Variants in TAPT1 observed in about 807,000 individuals in gnomAD.
TAPT1 encodes transmembrane anterior posterior transformation 1.
Under a neutral mutation model 65.6 loss-of-function variants are expected in TAPT1, and 28 were observed. The observed-to-expected ratio is 0.43, with a 90% CI of 0.32 to 0.59. TAPT1 has a LOEUF of 0.59. Ranked by LOEUF, TAPT1 falls within the 20% of genes least tolerant of loss-of-function variation. TAPT1 has a pLI of 0.09. For missense variants in TAPT1, 563 were observed against 679.9 expected (o/e 0.83, Z 1.91); for synonymous variants, 278 against 245.2 (o/e 1.13, Z -1.25).
chr4:16,163,148 C>A lies in TAPT1; in HGVS notation c.*160G>T. ...CCTGTCCTGTGGTCTGACCCTCAGC[C>A]AGGCCATATTACTGGAAGAAAGATA... is the stretch of plus-strand genomic sequence containing the variant. On this transcript the variant is annotated 3_prime_UTR_variant, in exon 14 of 14. Coordinates refer to ENST00000405303, the MANE Select transcript of TAPT1 (RefSeq NM_153365.3). 1 of 671,178 alleles carries A rather than the reference C, an allele frequency of 1.5e-6. No individual in the cohort carries two copies. Among genetic ancestry groups the A allele is most frequent in the Non-Finnish European group, 2.7e-6 (1 of 376,364 alleles). 41.6% of individuals were successfully genotyped at this position (671,178 alleles called of 1,614,324 possible). A position where few individuals can be genotyped will look rare whatever the true frequency, so the allele number is the denominator to read the frequency against.
intron 1 of TAPT1, among the ~76,000 whole-genome samples, chr4:16,215,713 T>C (rs941712496): frequency 1.3e-5 from 2 of 152,214 alleles, no homozygotes; most frequent in African/African-American, 4.8e-5. Context: ...GCACGCAATA[T>C]GTAAACTCTA....
At chr4:16,221,638 T>C (rs1459567135) in intron 1 of TAPT1, among the ~76,000 whole-genome samples, 3 of 152,250 alleles carry the variant, frequency 2.0e-5, no homozygotes, top group Non-Finnish European at 4.4e-5. Context: ...ATCATAAATA[T>C]ATTTATATGT....
intron 2 of TAPT1, among the ~76,000 whole-genome samples, chr4:16,206,707 C>T (rs963443882): frequency 2.6e-5 from 4 of 152,022 alleles, no homozygotes; most frequent in Non-Finnish European, 4.4e-5. Flanking sequence ...AGCAGCCTGA[C>T]ATAGGACAAT....
chr4:16,169,027 T>G (rs1209613829), intron 12 of TAPT1, among the ~76,000 whole-genome samples: 1 of 152,198 alleles, frequency 6.6e-6, no homozygotes, highest in African/African-American at 2.4e-5. Context: ...ATTCCTGGGT[T>G]TGGTGTAGTT....
chr4:16,174,625 C>T, intron 10 of TAPT1, 45 bp downstream of exon 10: 2 of 1,489,672 alleles, frequency 1.3e-6, no homozygotes, highest in Non-Finnish European at 1.8e-6. Context: ...TAATTTCAGA[C>T]TATGCCTTTG....
At chr4:16,181,752 G>T (rs1029962048) in intron 7 of TAPT1, among the ~76,000 whole-genome samples, 3 of 152,180 alleles carry the variant, frequency 2.0e-5, no homozygotes, top group African/African-American at 7.2e-5. Context: ...ATTTTTAGCA[G>T]AGACAGGGTT....
rs189610093 is a variant in TAPT1 at position 16,201,821 on chromosome 4, T to G, written c.449+641A>C. On this transcript the variant is annotated intron_variant, in intron 3 of 13. Coordinates refer to ENST00000405303, the MANE Select transcript of TAPT1 (RefSeq NM_153365.3). ...TGCTGAGCTCTCAATACCCCCTTTT[T>G]GCTGATGGGGAAGCACACTTAGAGA... Among the ~76,000 whole-genome samples the G allele has an allele frequency of 1.7e-3, 262 of 152,310 alleles. 2 individuals are homozygous for G. Among genetic ancestry groups the G allele is most frequent in the African/African-American group, 6.1e-3 (252 of 41,568 alleles).
Position 16,213,831 on chromosome 4 carries a change from G to A in TAPT1, c.267C>T (p.Ala89=), listed in dbSNP as rs1040401217. 6 of 1,607,884 alleles carry A rather than the reference G, an allele frequency of 3.7e-6. No individual in the cohort carries two copies. The African/African-American group carries it at 6.8e-5, about 18-fold the overall frequency. ...TRGYFLEHNE[A]KYTERRERVY... ...CTCTTTCTCTTCTTTCTGTATACTT[G>A]GCCTCATTATGTTCAAGGAAGTACC... Residue 89 remains alanine, a synonymous_variant, in exon 2 of 14, where the codon GCC becomes GCT. Transcript: ENST00000405303.
intron 7 of TAPT1, among the ~76,000 whole-genome samples, chr4:16,181,315 T>C (rs868339176): frequency 3.9e-5 from 6 of 152,222 alleles, no homozygotes; most frequent in Admixed American, 1.3e-4. Flanking sequence ...TTCCCAAACA[T>C]GTATAATATA....
At chr4:16,216,014 G>C (rs1026228274) in intron 1 of TAPT1, 1 of 152,106 alleles carries the variant, frequency 6.6e-6, no homozygotes, top group Non-Finnish European at 1.5e-5. Flanking sequence ...TGTAAAAATC[G>C]AGAAGCAACA....
intron 3 of TAPT1, among the ~76,000 whole-genome samples, chr4:16,195,732 T>C (rs920548797): frequency 5.3e-5 from 8 of 152,224 alleles, no homozygotes; most frequent in Non-Finnish European, 8.8e-5. Flanking sequence ...AAAGGGCTCA[T>C]AGACTTACAG....
intron 1 of TAPT1, among the ~76,000 whole-genome samples, chr4:16,222,334 G>A (rs950946616): frequency 6.6e-6 from 1 of 152,208 alleles, no homozygotes; most frequent in Non-Finnish European, 1.5e-5. Context: ...AGTAAAGCAA[G>A]TGAGAATTTT....
intron 7 of TAPT1, 117 bp from the exon 8 acceptor site, chr4:16,179,774 AT>A (rs1211250840): frequency 2.0e-6 from 1 of 500,474 alleles, no homozygotes. Context: ...ATAAATGTCT[AT>A]AAATATACAA....
At chr4:16,204,693 A>G (rs1373052813) in intron 2 of TAPT1, among the ~76,000 whole-genome samples, 1 of 152,218 alleles carries the variant, frequency 6.6e-6, no homozygotes, top group African/African-American at 2.4e-5. Context: ...CTGCCTGTGC[A>G]TGGCCGCAGT....
chr4:16,166,549 T>C, intron 13 of TAPT1, 84 bp downstream of exon 13: 1 of 1,532,354 alleles, frequency 6.5e-7, no homozygotes, highest in Non-Finnish European at 8.9e-7. Flanking sequence ...AAACCAATCT[T>C]TAAAGCGTTG....
rs1022805056 is a variant in TAPT1 at position 16,161,498 on chromosome 4, T to C, written c.*1810A>G. On this transcript the variant is annotated 3_prime_UTR_variant, in exon 14 of 14. Transcript: ENST00000405303. Reference sequence around the variant, plus strand: ...TGAAGATCTATCCAAACCATGTTCCTGCTCTGAAATCAGGGTTGTGTTTGG... The same window carrying C: ...TGAAGATCTATCCAAACCATGTTCCCGCTCTGAAATCAGGGTTGTGTTTGG... 1 of 152,624 alleles carries C rather than the reference T, an allele frequency of 6.6e-6. No individual in the cohort carries two copies. The highest frequency in any genetic ancestry group is 2.4e-5 in the African/African-American group (1 of 41,450). 9.5% of individuals were successfully genotyped at this position (152,624 alleles called of 1,614,324 possible).
intron 3 of TAPT1, among the ~76,000 whole-genome samples, chr4:16,195,321 A>AAAT (rs1749639854): frequency 6.6e-6 from 1 of 152,232 alleles, no homozygotes; most frequent in Admixed American, 6.5e-5. Flanking sequence ...GGCTTTTGAA[A>AAAT]AATACTTTCA....
intron 11 of TAPT1, 39 bp from the exon 12 acceptor site, chr4:16,170,768 C>G: frequency 2.0e-6 from 3 of 1,474,942 alleles, no homozygotes; most frequent in Non-Finnish European, 2.8e-6. Flanking sequence ...AACACACAAA[C>G]AGAACACACA....
At chr4:16,207,555 G>A (rs1315307915) in intron 2 of TAPT1, among the ~76,000 whole-genome samples, 1 of 152,144 alleles carries the variant, frequency 6.6e-6, no homozygotes, top group Admixed American at 6.5e-5. Flanking sequence ...AATGAATCAT[G>A]CACTATTAGA....
Sources: allele counts gnomAD v4.1 joint callset (sites outside exome capture counted in the v4.1 genomes callset), GRCh38; gene constraint gnomAD v4.1.1; transcripts MANE v1.5; gene names NCBI Gene and HGNC (gene_info 2026-07-23, HGNC 2026-07-21).